The following MAP3K20 variants were observed in gnomAD, a reference collection of about 807,000 sequenced individuals.
MAP3K20 encodes the protein mitogen-activated protein kinase kinase kinase 20.
A neutral mutation model predicts 85.7 loss-of-function variants in MAP3K20; 40 were observed. That is an observed-to-expected ratio of 0.47 (90% CI 0.36 to 0.61). MAP3K20 has a LOEUF of 0.61. Ranked by LOEUF, MAP3K20 falls within the 20% of genes least tolerant of loss-of-function variation. MAP3K20 has a pLI of 0.00. For missense variants in MAP3K20, 817 were observed against 961.7 expected, an observed-to-expected ratio of 0.85 and a Z score of 1.99; for synonymous variants, 325 against 327.7, an observed-to-expected ratio of 0.99 and a Z score of 0.09.
intron 2 of MAP3K20, among the ~76,000 whole-genome samples, chr2:173,114,420 G>A (rs1450495810): frequency 6.6e-6 from 1 of 152,000 alleles, no homozygotes; most frequent in Non-Finnish European, 1.5e-5. Context: ...GTACTATTGC[G>A]TTAATCATGC....
At chr2:173,085,366 T>G (rs887119481) in intron 1 of MAP3K20, among the ~76,000 whole-genome samples, 2 of 152,234 alleles carry the variant, frequency 1.3e-5, no homozygotes, top group African/African-American at 2.4e-5. Context: ...GACTAGAAGA[T>G]TGAAAACTTT....
Position 173,266,339 on chromosome 2 carries a change from T to G in MAP3K20, c.1992T>G (p.Thr664=). 1 of 1,614,178 alleles carries G rather than the reference T, an allele frequency of 6.2e-7. No homozygotes were observed. Among genetic ancestry groups the G allele is most frequent in the Non-Finnish European group, 8.5e-7 (1 of 1,180,022 alleles). The change falls in exon 20 of 20, where the codon ACT becomes ACG. Residue 664 remains threonine, a synonymous_variant. Transcript: ENST00000375213. ...ACAGTGGCTTTTCCAGTGGCAATAC[T>G]GACACCTCTTCAGAGAGGGGTCGAT... ...SRDSGFSSGN[T]DTSSERGRYS... is the part of the protein sequence containing the mutation.
intron 2 of MAP3K20, among the ~76,000 whole-genome samples, chr2:173,114,587 A>C (rs566302915): frequency 6.6e-6 from 1 of 152,210 alleles, no homozygotes; most frequent in Admixed American, 6.5e-5. Context: ...CAGTTCTTGT[A>C]GTGGTGGCTT....
Position 173,196,564 on chromosome 2 carries a change from T to G in MAP3K20, c.583-1462T>G, listed in dbSNP as rs566847966. On this transcript the variant is annotated intron_variant, in intron 7 of 19. Coordinates refer to ENST00000375213, the MANE Select transcript of MAP3K20 (RefSeq NM_016653.3). Reference sequence around the variant, plus strand: ...CCTGCTTGAGCAGCATCTGCCAATTTCCCTGATTTTCCTGCTAATTATCTT... The same window carrying G: ...CCTGCTTGAGCAGCATCTGCCAATTGCCCTGATTTTCCTGCTAATTATCTT... 2.0e-5 allele frequency among the ~76,000 whole-genome samples: 3 copies of G among 152,332 alleles called. No individual in the cohort carries two copies. The South Asian group carries it at 6.2e-4, about 32-fold the overall frequency.
At chr2:173,191,927 AG>A (rs2106276004) in intron 7 of MAP3K20, among the ~76,000 whole-genome samples, 1 of 152,360 alleles carries the variant, frequency 6.6e-6, no homozygotes, top group African/African-American at 2.4e-5. Context: ...ATCAGAGAGA[AG>A]GAAGTGGAGT....
intron 14 of MAP3K20, among the ~76,000 whole-genome samples, chr2:173,235,964 G>T (rs969253865): frequency 6.6e-6 from 1 of 152,018 alleles, no homozygotes; most frequent in Non-Finnish European, 1.5e-5. Context: ...AGATAGAATC[G>T]GTGGTCGAAA....
intron 2 of MAP3K20, among the ~76,000 whole-genome samples, chr2:173,150,888 A>G (rs1485021574): frequency 2.0e-5 from 3 of 152,204 alleles, no homozygotes; most frequent in African/African-American, 7.2e-5. Context: ...ATGTAGGTAC[A>G]ATTTCTAGCA....
chr2:173,174,541 CT>C (rs535480470), intron 3 of MAP3K20, among the ~76,000 whole-genome samples: 105 of 152,260 alleles, frequency 6.9e-4, no homozygotes, highest in Non-Finnish European at 9.6e-4. Flanking sequence ...TGAACTCATC[CT>C]TTTTTATGGC....
At chr2:173,099,339 T>TG (rs1332084433) in intron 2 of MAP3K20, among the ~76,000 whole-genome samples, 13 of 151,008 alleles carry the variant, frequency 8.6e-5, no homozygotes, top group South Asian at 6.3e-4. Context: ...TGTTTTGTTT[T>TG]TTTTTTTTGA....
intron 2 of MAP3K20, among the ~76,000 whole-genome samples, chr2:173,135,420 T>A (rs1342033613): frequency 2.0e-5 from 3 of 152,166 alleles, no homozygotes; most frequent in Admixed American, 6.5e-5. Context: ...GAAATGAAAG[T>A]CCTGCATGGA....
intron 2 of MAP3K20, among the ~76,000 whole-genome samples, chr2:173,118,379 A>G (rs970096338): frequency 3.3e-5 from 5 of 152,176 alleles, no homozygotes; most frequent in Admixed American, 2.6e-4. Flanking sequence ...TTATTTCTAG[A>G]TTTTTGTCTT....
chr2:173,232,200 G>A lies in MAP3K20; in HGVS notation c.1041G>A (p.Trp347Ter). The A allele has an allele frequency of 1.2e-6, 2 of 1,614,168 alleles. No homozygotes were observed. The highest frequency in any genetic ancestry group is 1.7e-6 in the Non-Finnish European group (2 of 1,180,026). ...TGTCCTCTCTTTCACAGTATTGTTGGGTTCAGCAGCTCGTCAGAAAAGGCA... is the reference window on the plus strand; with the variant it reads ...TGTCCTCTCTTTCACAGTATTGTTGAGTTCAGCAGCTCGTCAGAAAAGGCA... ...GAWTEDDVYC[W>*]VQQLVRKGDS... The change falls in exon 13 of 20, where the codon TGG (tryptophan) becomes TGA (stop). Residue 347 changes from tryptophan to a stop codon, truncating the protein, a stop_gained. Coordinates refer to ENST00000375213, the MANE Select transcript of MAP3K20 (RefSeq NM_016653.3). LOFTEE classifies it high-confidence loss of function.
intron 11 of MAP3K20, chr2:173,225,254 A>G (rs1684352609): frequency 5.8e-6 from 3 of 517,374 alleles, no homozygotes; most frequent in African/African-American, 2.1e-5. Context: ...AGTGCCAGGA[A>G]TAGTAACATT....
chr2:173,109,554 T>A (rs1308404760), intron 2 of MAP3K20, among the ~76,000 whole-genome samples: 1 of 152,058 alleles, frequency 6.6e-6, no homozygotes, highest in East Asian at 1.9e-4. Flanking sequence ...TCAAGTTGAG[T>A]AAGAAGAAAT....
At chr2:173,234,341 A>G (rs3769152) in intron 14 of MAP3K20, among the ~76,000 whole-genome samples, 11,251 of 152,228 alleles carry the variant, frequency 0.074, 1,059 homozygotes, top group East Asian at 0.54. Context: ...CAGACTTACT[A>G]TTTATTGTTC....
chr2:173,233,084 T>C lies in MAP3K20; in HGVS notation c.1203+625T>C, dbSNP rs540773714. Among the ~76,000 whole-genome samples the C allele has an allele frequency of 1.1e-4, 16 of 152,306 alleles. No individual in the cohort carries two copies. In the East Asian group the frequency reaches 3.1e-3, roughly 29 times the overall value. On this transcript the variant is annotated intron_variant, in intron 14 of 19. Coordinates refer to ENST00000375213, the MANE Select transcript of MAP3K20 (RefSeq NM_016653.3). ...GAGAAAACAGATACTGCCTATGCGA[T>C]AATGGTAAATGACGGCTGTAAGAAA... is the stretch of plus-strand genomic sequence containing the variant.
chr2:173,152,664 A>G (rs1022436922), intron 2 of MAP3K20, among the ~76,000 whole-genome samples: 1 of 152,176 alleles, frequency 6.6e-6, no homozygotes, highest in Non-Finnish European at 1.5e-5. Flanking sequence ...AAAGAGAAAA[A>G]CTAGAATTTG....
chr2:173,232,619 T>G lies in MAP3K20; in HGVS notation c.1203+160T>G, dbSNP rs185012600. ...CCTGGGTTCAAGTGATTCTCCTGCCTCAGCCTCCCAAGTAGCTGGGATTAC... is the reference window on the plus strand; with the variant it reads ...CCTGGGTTCAAGTGATTCTCCTGCCGCAGCCTCCCAAGTAGCTGGGATTAC... On this transcript the variant is annotated intron_variant, in intron 14 of 19. Transcript: ENST00000375213. 3.5e-4 allele frequency among the ~76,000 whole-genome samples: 54 copies of G among 152,322 alleles called. 1 individual carries two copies. The highest frequency in any genetic ancestry group is 1.3e-3 in the African/African-American group (53 of 41,582).
chr2:173,177,536 C>G (rs927739197), intron 3 of MAP3K20, among the ~76,000 whole-genome samples: 5 of 151,172 alleles, frequency 3.3e-5, no homozygotes, highest in African/African-American at 1.2e-4. Context: ...CAACCTCCAC[C>G]TCCCAGGTTC....
Sources: allele counts gnomAD v4.1 joint callset (sites outside exome capture counted in the v4.1 genomes callset), GRCh38; gene constraint gnomAD v4.1.1; transcripts MANE v1.5; gene names NCBI Gene and HGNC (gene_info 2026-07-23, HGNC 2026-07-21).